Variants in RBPJ observed in about 807,000 individuals in gnomAD.
RBPJ encodes the protein recombination signal binding protein for immunoglobulin kappa J region.
Under a neutral mutation model 67.8 loss-of-function variants are expected in RBPJ, and 9 were observed. That is an observed-to-expected ratio of 0.13 (90% CI 0.08 to 0.23). RBPJ has a LOEUF of 0.23. Among genes scored for constraint, RBPJ ranks in the 10% least tolerant of loss-of-function variants. RBPJ has a pLI of 1.00. For missense variants in RBPJ, 305 were observed against 595.6 expected, an observed-to-expected ratio of 0.51 and a Z score of 5.08; for synonymous variants, 198 against 203.3, an observed-to-expected ratio of 0.97 and a Z score of 0.22.
At chr4:26,372,543 G>C (rs1445288538) in intron 1 of RBPJ, among the ~76,000 whole-genome samples, 1 of 152,154 alleles carries the variant, frequency 6.6e-6, no homozygotes, top group Non-Finnish European at 1.5e-5. Flanking sequence ...AAAGTATCAA[G>C]TAAATACATA....
intron 1 of RBPJ, among the ~76,000 whole-genome samples, chr4:26,173,223 T>G (rs1716660178): frequency 6.6e-6 from 1 of 151,938 alleles, no homozygotes; most frequent in African/African-American, 2.4e-5. Flanking sequence ...GCAACCTCCA[T>G]CTCCCAGGTT....
chr4:26,240,452 G>A (rs916006849), intron 1 of RBPJ, among the ~76,000 whole-genome samples: 1 of 152,160 alleles, frequency 6.6e-6, no homozygotes, highest in African/African-American at 2.4e-5. Context: ...GAAGAAATTC[G>A]TCTGAACATA....
chr4:26,116,817 G>A, the RBPJ span, among the ~76,000 whole-genome samples: 1 of 152,342 alleles, frequency 6.6e-6, no homozygotes, highest in East Asian at 1.9e-4. Context: ...TCACTAGGGA[G>A]AATCTTCTGC....
rs1214190173 is a variant in RBPJ, at chr4:26,434,295, C to T, written c.*3288C>T. On this transcript the variant is annotated 3_prime_UTR_variant, in exon 11 of 11. Transcript: ENST00000355476. ...TTTTGTTTTATTGTTTTTAATGAAA[C>T]TGGTACCATCTGTGCTTTCACAAAA... The T allele has an allele frequency of 3.9e-5, 6 of 152,140 alleles. No individual in the cohort carries two copies. The highest frequency in any genetic ancestry group is 8.8e-5 in the Non-Finnish European group (6 of 68,024). The allele number at this position is 152,140 out of a possible 1,614,324, so 9.4% of individuals were successfully genotyped here. A position where few individuals can be genotyped will look rare whatever the true frequency, so the allele number is the denominator to read the frequency against.
intron 1 of RBPJ, among the ~76,000 whole-genome samples, chr4:26,340,295 A>C (rs1338565984): frequency 1.3e-5 from 2 of 152,242 alleles, no homozygotes; most frequent in African/African-American, 4.8e-5. Context: ...GGAGAACAGC[A>C]TTCCACACAA....
intron 5 of RBPJ, among the ~76,000 whole-genome samples, chr4:26,422,240 A>C (rs1013875438): frequency 4.7e-5 from 7 of 150,184 alleles, no homozygotes; most frequent in African/African-American, 1.7e-4. Context: ...GTTGAGATTG[A>C]TTATAGTAGT....
the RBPJ span, among the ~76,000 whole-genome samples, chr4:26,115,036 C>G: frequency 1.3e-5 from 2 of 152,152 alleles, no homozygotes; most frequent in African/African-American, 4.8e-5. Flanking sequence ...ACATCTACTG[C>G]TACTGCACGT....
chr4:26,114,497 A>ATATATATATATATATATATATGTGTGTG, the RBPJ span, among the ~76,000 whole-genome samples: 3 of 140,036 alleles, frequency 2.1e-5, no homozygotes, highest in African/African-American at 8.3e-5. Flanking sequence ...ATATATATAT[A>ATATATATATATATATATATATGTGTGTG]TGTATGTGTG....
chr4:26,414,145 T>G (rs1577649430), intron 3 of RBPJ, among the ~76,000 whole-genome samples: 1 of 152,202 alleles, frequency 6.6e-6, no homozygotes, highest in East Asian at 1.9e-4. Flanking sequence ...AGAAGGAAAC[T>G]ACTTCTTTGG....
At chr4:26,345,460 T>C (rs543085412) in intron 1 of RBPJ, among the ~76,000 whole-genome samples, 1 of 152,278 alleles carries the variant, frequency 6.6e-6, no homozygotes, top group African/African-American at 2.4e-5. Context: ...CCTACTGAGG[T>C]TTGTGTTTCT....
At chr4:26,335,089 T>C (rs953566391) in intron 1 of RBPJ, among the ~76,000 whole-genome samples, 2 of 152,242 alleles carry the variant, frequency 1.3e-5, no homozygotes, top group African/African-American at 4.8e-5. Flanking sequence ...ATATCTGTTA[T>C]AGTGCTGTTG....
At chr4:26,379,212 C>T (rs1355177862) in intron 1 of RBPJ, among the ~76,000 whole-genome samples, 2 of 151,644 alleles carry the variant, frequency 1.3e-5, no homozygotes, top group Non-Finnish European at 2.9e-5. Flanking sequence ...CCAGGTCTCA[C>T]TCTGTTGCCC....
At chr4:26,268,019 A>T (rs1161059970) in intron 1 of RBPJ, among the ~76,000 whole-genome samples, 2 of 152,036 alleles carry the variant, frequency 1.3e-5, no homozygotes, top group South Asian at 2.1e-4. Context: ...AATAAAAATG[A>T]TTTTTTTTAA....
chr4:26,329,773 A>T (rs1297613788), intron 1 of RBPJ, among the ~76,000 whole-genome samples: 1 of 152,120 alleles, frequency 6.6e-6, no homozygotes, highest in African/African-American at 2.4e-5. Context: ...AGGCGCCTGT[A>T]GTCACAGCTA....
intron 1 of RBPJ, among the ~76,000 whole-genome samples, chr4:26,359,059 G>A (rs760856787): frequency 6.6e-6 from 1 of 152,142 alleles, no homozygotes; most frequent in African/African-American, 2.4e-5. Flanking sequence ...AAGCTTTGCT[G>A]CCACTCTTAA....
At chr4:26,295,258 G>A (rs1205182266) in intron 1 of RBPJ, among the ~76,000 whole-genome samples, 5 of 151,872 alleles carry the variant, frequency 3.3e-5, no homozygotes, top group Admixed American at 6.6e-5. Context: ...GTGTGTGTGT[G>A]TGTGTGTGTG....
intron 1 of RBPJ, among the ~76,000 whole-genome samples, chr4:26,164,116 T>C (rs1716166816): frequency 7.2e-6 from 1 of 138,778 alleles, no homozygotes; most frequent in African/African-American, 3.3e-5. Flanking sequence ...TCACGTTGGT[T>C]GTTTACATCT....
rs73113367 is a variant in RBPJ at position 26,308,335 on chromosome 4, G to A, written c.-166-54111G>A. On this transcript the variant is annotated intron_variant, in intron 1 of 4. Transcript: ENST00000512351. ...AAATGAAATACATCATTATTAGATTGAGATAAAACTTTTCAGACAGACCTA... is the reference window on the plus strand; with the variant it reads ...AAATGAAATACATCATTATTAGATTAAGATAAAACTTTTCAGACAGACCTA... 8.3e-3 allele frequency among the ~76,000 whole-genome samples: 1,267 copies of A among 152,086 alleles called. 16 individuals are homozygous for A. The highest frequency in any genetic ancestry group is 0.029 in the African/African-American group (1,187 of 41,500).
chr4:26,140,730 GT>G, the RBPJ span, among the ~76,000 whole-genome samples: 1 of 148,816 alleles, frequency 6.7e-6, no homozygotes, highest in Non-Finnish European at 1.5e-5. Context: ...CCGCCCTAGT[GT>G]TTTGATTAGT....
Sources: allele counts gnomAD v4.1 joint callset (sites outside exome capture counted in the v4.1 genomes callset), GRCh38; gene constraint gnomAD v4.1.1; transcripts MANE v1.5; gene names NCBI Gene and HGNC (gene_info 2026-07-23, HGNC 2026-07-21).